The following MYO10 variants were observed in gnomAD, a reference collection of about 807,000 sequenced individuals.
The protein encoded by MYO10 is myosin X.
Under a neutral mutation model 257.3 loss-of-function variants are expected in MYO10, and 133 were observed. The ratio of observed to expected loss-of-function variants is 0.52; its 90% CI spans 0.45 to 0.60. MYO10 has a LOEUF of 0.60. MYO10 is among the 20% of genes least tolerant of loss of function. MYO10 has a pLI of 0.00. For missense variants in MYO10, 2,399 were observed against 2,635.7 expected, an observed-to-expected ratio of 0.91 and a Z score of 1.97; for synonymous variants, 1,104 against 1,028.6, an observed-to-expected ratio of 1.07 and a Z score of -1.40.
chr5:16,770,462 C>T (rs186435117), intron 9 of MYO10, among the ~76,000 whole-genome samples: 5 of 152,202 alleles, frequency 3.3e-5, no homozygotes, highest in Admixed American at 6.6e-5. Flanking sequence ...AGTATCTAAA[C>T]AACTGAAGCC....
At chr5:16,812,523 CA>C (rs1217463907) in intron 3 of MYO10, among the ~76,000 whole-genome samples, 1 of 152,186 alleles carries the variant, frequency 6.6e-6, no homozygotes, top group Non-Finnish European at 1.5e-5. Flanking sequence ...ACATAACCCT[CA>C]ATGACAGGAC....
intron 3 of MYO10, among the ~76,000 whole-genome samples, chr5:16,814,173 C>G (rs1013798390): frequency 6.6e-6 from 1 of 152,192 alleles, no homozygotes; most frequent in South Asian, 2.1e-4. Context: ...GACGGAGTCT[C>G]GCTCTGTCAC....
chr5:16,720,445 A>T (rs561575492), intron 19 of MYO10, among the ~76,000 whole-genome samples: 81 of 151,078 alleles, frequency 5.4e-4, no homozygotes, highest in African/African-American at 1.5e-3. Context: ...TATTTTATTT[A>T]TTTTATTTTA....
intron 2 of MYO10, among the ~76,000 whole-genome samples, chr5:16,868,765 C>T (rs886502565): frequency 6.6e-6 from 1 of 152,100 alleles, no homozygotes; most frequent in Non-Finnish European, 1.5e-5. Flanking sequence ...GAAAGAGTGT[C>T]ATTTGCTCAT....
At chr5:16,746,751 A>G (rs749006459) in intron 19 of MYO10, among the ~76,000 whole-genome samples, 41 of 152,358 alleles carry the variant, frequency 2.7e-4, no homozygotes, top group Non-Finnish European at 5.3e-4. Flanking sequence ...GAGCTAAGCG[A>G]TAAGAAATCA....
In MYO10 at chr5:16,777,839, CTTTT is replaced by C. The variant is rs61326508; in HGVS notation, c.930+1702_930+1705del. 6.0e-3 allele frequency among the ~76,000 whole-genome samples: 529 copies of C among 88,456 alleles called. 29 individuals carry two copies. Among genetic ancestry groups the C allele is most frequent in the Non-Finnish European group, 7.6e-3 (379 of 49,948 alleles). The allele number at this position is 88,456 out of a possible 152,430, so 58.0% of individuals were successfully genotyped here. On this transcript the variant is annotated intron_variant, in intron 9 of 40. Coordinates refer to ENST00000513610, the MANE Select transcript of MYO10 (RefSeq NM_012334.3). ...GCCACCCTAGGTGCATTGCATCTAA[CTTTT>C]TTTTTTTTTTTTTTTTTTTTTTTTG... is the stretch of plus-strand genomic sequence containing the variant.
intron 17 of MYO10, among the ~76,000 whole-genome samples, chr5:16,759,988 T>C (rs1740655977): frequency 6.6e-6 from 1 of 152,052 alleles, no homozygotes; most frequent in South Asian, 2.1e-4. Flanking sequence ...CCATCTAGTA[T>C]TTACATTTCT....
intron 19 of MYO10, among the ~76,000 whole-genome samples, chr5:16,743,593 A>T (rs1299274711): frequency 6.6e-6 from 1 of 151,986 alleles, no homozygotes; most frequent in Admixed American, 6.6e-5. Context: ...CAGTGAGCCG[A>T]GATTGCACCA....
intron 19 of MYO10, among the ~76,000 whole-genome samples, chr5:16,716,053 C>T (rs901846804): frequency 3.7e-4 from 23 of 61,814 alleles, no homozygotes; most frequent in African/African-American, 1.2e-3. Context: ...GACACTCCGT[C>T]TCGAAAAAAA....
intron 11 of MYO10, among the ~76,000 whole-genome samples, chr5:16,765,452 T>C (rs570255550): frequency 2.0e-5 from 3 of 152,330 alleles, no homozygotes; most frequent in East Asian, 1.9e-4. Flanking sequence ...CTTCTGATCA[T>C]GTAAGTTAAT....
chr5:16,800,047 C>T (rs554210713), intron 3 of MYO10, among the ~76,000 whole-genome samples: 6 of 152,152 alleles, frequency 3.9e-5, no homozygotes, highest in South Asian at 4.2e-4. Context: ...GCACACGGTT[C>T]GAGAGTGAAA....
chr5:16,816,936 C>CA (rs1361460015), intron 3 of MYO10, among the ~76,000 whole-genome samples: 1 of 152,118 alleles, frequency 6.6e-6, no homozygotes, highest in Admixed American at 6.5e-5. Flanking sequence ...TCTCCTGCCT[C>CA]AGCCTCCTGA....
chr5:16,736,403 C>T (rs866042853), intron 19 of MYO10, among the ~76,000 whole-genome samples: 6 of 152,162 alleles, frequency 3.9e-5, no homozygotes, highest in South Asian at 2.1e-4. Flanking sequence ...GATGCAACAG[C>T]GCTGCAAACA....
intron 28 of MYO10, among the ~76,000 whole-genome samples, chr5:16,686,090 T>C (rs929238345): frequency 3.3e-5 from 5 of 152,204 alleles, no homozygotes; most frequent in Non-Finnish European, 4.4e-5. Context: ...CCAGGTCCCA[T>C]AGACCTTTAC....
intron 3 of MYO10, among the ~76,000 whole-genome samples, chr5:16,799,805 C>T (rs1481193709): frequency 6.6e-6 from 1 of 152,128 alleles, no homozygotes; most frequent in Admixed American, 6.6e-5. Flanking sequence ...AGAAAGGACT[C>T]TTAACAGCGG....
chr5:16,815,391 T>C (rs1429670390), intron 3 of MYO10: 2 of 690,884 alleles, frequency 2.9e-6, no homozygotes, highest in Non-Finnish European at 5.2e-6. Context: ...CACATCAGCA[T>C]GCAAAATGTC....
At chr5:16,677,189 T>C (rs1464492734) in intron 33 of MYO10, among the ~76,000 whole-genome samples, 2 of 152,300 alleles carry the variant, frequency 1.3e-5, no homozygotes, top group Middle Eastern at 6.8e-3. Flanking sequence ...AATGAATCAT[T>C]CTATCGTGGT....
intron 1 of MYO10, among the ~76,000 whole-genome samples, chr5:16,913,497 T>G (rs1277121811): frequency 2.0e-5 from 3 of 152,198 alleles, no homozygotes; most frequent in Non-Finnish European, 4.4e-5. Context: ...AGAATTTCCT[T>G]CTTCTCAAGT....
rs894669062 is a variant in MYO10 at position 16,783,225 on chromosome 5, A to T, written c.602+110T>A. The stretch of plus-strand genomic sequence containing the variant: ...CTTTTCTTAAGGAATTGTAAAAGAG[A>T]AGTCAAGAAAAAGAGAAACGCGACC... On this transcript the variant is annotated intron_variant, in intron 5 of 40. Coordinates refer to ENST00000513610, the MANE Select transcript of MYO10 (RefSeq NM_012334.3). The T allele has an allele frequency of 2.8e-5, 31 of 1,094,690 alleles. No individual in the cohort carries two copies. In the East Asian group the frequency reaches 4.5e-4, roughly 16 times the overall value. The allele number at this position is 1,094,690 out of a possible 1,614,324, so 67.8% of individuals were successfully genotyped here.
Sources: allele counts gnomAD v4.1 joint callset (sites outside exome capture counted in the v4.1 genomes callset), GRCh38; gene constraint gnomAD v4.1.1; transcripts MANE v1.5; gene names NCBI Gene and HGNC (gene_info 2026-07-23, HGNC 2026-07-21).